TPH1: variants seen among roughly 807,000 people sequenced by gnomAD.
TPH1 encodes the protein tryptophan 5-hydroxylase 1.
TPH1 carries 37 observed loss-of-function variants against 49.5 expected under a neutral mutation model. The ratio of observed to expected loss-of-function variants is 0.75; its 90% CI spans 0.58 to 0.98. The LOEUF (loss-of-function observed/expected upper bound fraction) is 0.98. TPH1 is among the 50% of genes least tolerant of loss of function. TPH1 has a pLI of 0.00. For missense variants in TPH1, 487 were observed against 523.6 expected, an observed-to-expected ratio of 0.93 and a Z score of 0.68; for synonymous variants, 160 against 182.1, an observed-to-expected ratio of 0.88 and a Z score of 0.98.
chr11:18,026,393 CAAAAAA>C (rs57335932), intron 7 of TPH1, 91 bp downstream of exon 7: 1,539 of 585,612 alleles, frequency 2.6e-3, no homozygotes, highest in Middle Eastern at 6.5e-3. Context: ...CCTCGCACAC[CAAAAAA>C]AAAAAAAAAA....
intron 1 of TPH1, among the ~76,000 whole-genome samples, chr11:18,044,069 A>T (rs1174835755): frequency 6.6e-6 from 1 of 152,154 alleles, no homozygotes; most frequent in Non-Finnish European, 1.5e-5. Flanking sequence ...GGTGAAGGAT[A>T]CATTAATTGA....
intron 3 of TPH1, among the ~76,000 whole-genome samples, chr11:18,033,943 A>G (rs1228756090): frequency 6.6e-6 from 1 of 152,118 alleles, no homozygotes; most frequent in Non-Finnish European, 1.5e-5. Context: ...TATCCGTCAC[A>G]TCCTTCAAGA....
chr11:18,023,025 A>G, intron 9 of TPH1, 94 bp from the exon 10 acceptor site: 1 of 1,325,818 alleles, frequency 7.5e-7, no homozygotes, highest in Non-Finnish European at 1.1e-6. Flanking sequence ...ACATATTACT[A>G]ATGCAATGGC....
At chr11:18,036,219 C>G in intron 2 of TPH1, 77 bp from the exon 3 acceptor site, 1 of 1,141,430 alleles carries the variant, frequency 8.8e-7, no homozygotes. Flanking sequence ...ACTTTAATTA[C>G]CACTAAAAAT....
Position 18,040,718 on chromosome 11 carries a change from C to G in TPH1, c.45G>C (p.Arg15Ser). 6.2e-7 allele frequency: 1 copy of G among 1,612,448 alleles called. No individual in the cohort carries two copies. Among genetic ancestry groups the G allele is most frequent in the East Asian group, 2.2e-5 (1 of 44,826 alleles). The change falls in exon 2 of 11, where the codon AGG (arginine) becomes AGC (serine). Residue 15 changes from arginine (R) to serine (S), a missense_variant. Arg to Ser is a moderately radical substitution (Grantham distance 110). Transcript: ENST00000682019. ...AGGAAAAAATGAGACTTGCTCTTCC[C>G]CTTTCTAAGGAATGGTCTTTGTTCT... ...NKENKDHSLE[R>S]GRASLIFSLK...
At chr11:18,033,232 A>G in intron 4 of TPH1, 42 bp downstream of exon 4, 1 of 1,455,172 alleles carries the variant, frequency 6.9e-7, no homozygotes, top group Non-Finnish European at 9.7e-7. Context: ...CAGTCTGGAC[A>G]GCAGAGCAAG....
At position 18,036,001 on chromosome 11, in the gene TPH1, G is replaced by GA. The variant is rs768565121; in HGVS notation, c.258dup (p.Leu87SerfsTer8). 39 of 1,612,374 alleles carry GA rather than the reference G, an allele frequency of 2.4e-5. No homozygotes were observed. Among genetic ancestry groups the GA allele is most frequent in the Non-Finnish European group, 3.1e-5 (37 of 1,179,892 alleles). On this transcript the variant is annotated frameshift_variant, in exon 3 of 11. Transcript: ENST00000682019. LOFTEE classifies it high-confidence loss of function. ...AAATTATCTGGTAGATTCACAGAGA[G>GA]AACATTGGTATGAGACTTCAGCAGA...
chr11:18,043,184 T>C (rs1373127746), intron 1 of TPH1, among the ~76,000 whole-genome samples: 1 of 152,144 alleles, frequency 6.6e-6, no homozygotes, highest in Admixed American at 6.6e-5. Context: ...GGAGCAAGGA[T>C]CAGAGAACAG....
chr11:18,022,562 G>C (rs1459338672), intron 10 of TPH1, among the ~76,000 whole-genome samples: 1 of 152,096 alleles, frequency 6.6e-6, no homozygotes. Flanking sequence ...TAAACTCTCT[G>C]ACTGGAAGAA....
At chr11:18,033,510 T>G (rs1483931166) in intron 3 of TPH1, 136 bp from the exon 4 acceptor site, 3 of 685,098 alleles carry the variant, frequency 4.4e-6, no homozygotes, top group Non-Finnish European at 2.5e-6. Context: ...AAGGCAAGAT[T>G]TATATGAGTT....
chr11:18,040,923 G>T, intron 1 of TPH1, 135 bp from the exon 2 acceptor site: 1 of 815,664 alleles, frequency 1.2e-6, no homozygotes, highest in South Asian at 1.8e-5. Flanking sequence ...ATGCAGATAA[G>T]CTTTGCAAGA....
chr11:18,021,323 G>A (rs1221464576), intron 10 of TPH1, among the ~76,000 whole-genome samples, 158 bp from the exon 11 acceptor site: 1 of 152,152 alleles, frequency 6.6e-6, no homozygotes, highest in Non-Finnish European at 1.5e-5. Flanking sequence ...TACATTTGCA[G>A]AGGTCCCCTG....
At chr11:18,023,766 A>G (rs1001713346) in intron 9 of TPH1, 122 bp downstream of exon 9, 35 of 703,446 alleles carry the variant, frequency 5.0e-5, no homozygotes, top group Admixed American at 4.3e-5. Flanking sequence ...CATTCAGGTA[A>G]TGATTAGTGA....
intron 7 of TPH1, among the ~76,000 whole-genome samples, chr11:18,026,012 C>G (rs546755223): frequency 1.1e-4 from 16 of 152,180 alleles, no homozygotes; most frequent in Admixed American, 3.3e-4. Context: ...ATCACCTTCT[C>G]AGCAAGGCCT....
chr11:18,022,776 G>C lies in TPH1; in HGVS notation c.1160+22C>G, dbSNP rs754633897. On this transcript the variant is annotated intron_variant, in intron 10 of 10. Coordinates refer to ENST00000682019, the MANE Select transcript of TPH1 (RefSeq NM_004179.3). Reference sequence around the variant, plus strand: ...TGATCTTTCCCTGAAGAAAATGAAGGCGTGAAGAAGATATACTGTACCTCA... The same window carrying C: ...TGATCTTTCCCTGAAGAAAATGAAGCCGTGAAGAAGATATACTGTACCTCA... The C allele has an allele frequency of 1.9e-6, 3 of 1,611,300 alleles. No individual in the cohort carries two copies. The East Asian group carries it at 6.7e-5, about 36-fold the overall frequency.
At chr11:18,045,213 G>C (rs950870129) in intron 1 of TPH1, among the ~76,000 whole-genome samples, 2 of 152,248 alleles carry the variant, frequency 1.3e-5, no homozygotes, top group African/African-American at 4.8e-5. Context: ...CTTTCAGAGG[G>C]AGGGAATCCT....
At position 18,033,261 on chromosome 11, in the gene TPH1, A is replaced by G. The variant is rs1393080916; in HGVS notation, c.402+13T>C. ...GAGCAAGACTTGCTCTTAAAAAAAA[A>G]GAAAATACTTACAGGATGGTCTGCA... On this transcript the variant is annotated intron_variant, in intron 4 of 10. Coordinates refer to ENST00000682019, the MANE Select transcript of TPH1 (RefSeq NM_004179.3). The G allele has an allele frequency of 6.2e-7, 1 of 1,606,792 alleles. No homozygotes were observed.
At chr11:18,039,754 G>A (rs944068893) in intron 2 of TPH1, among the ~76,000 whole-genome samples, 8 of 152,134 alleles carry the variant, frequency 5.3e-5, no homozygotes, top group Non-Finnish European at 1.0e-4. Flanking sequence ...CATCCTTAGT[G>A]TCTGGTGTGG....
intron 1 of TPH1, chr11:18,042,332 G>T (rs1848105190): frequency 2.2e-6 from 1 of 452,696 alleles, no homozygotes; most frequent in African/African-American, 2.0e-5. Flanking sequence ...AATGTTTTTA[G>T]GGATGTGAAA....
Sources: allele counts gnomAD v4.1 joint callset (sites outside exome capture counted in the v4.1 genomes callset), GRCh38; gene constraint gnomAD v4.1.1; transcripts MANE v1.5; gene names NCBI Gene and HGNC (gene_info 2026-07-23, HGNC 2026-07-21).